BCL2L14: variants seen among roughly 807,000 people sequenced by gnomAD.
The protein encoded by BCL2L14 is BCL2 like 14, also known as apoptosis facilitator Bcl-2-like protein 14.
Under a neutral mutation model 35.3 loss-of-function variants are expected in BCL2L14, and 27 were observed. That is an observed-to-expected ratio of 0.76 (90% CI 0.56 to 1.05). BCL2L14 has a LOEUF of 1.05. Ranked by LOEUF, BCL2L14 falls within the 50% of genes least tolerant of loss-of-function variation. The pLI is 0.00. For missense variants in BCL2L14, 377 were observed against 382.6 expected (o/e 0.99, Z 0.12); for synonymous variants, 139 against 145.9 (o/e 0.95, Z 0.34).
At chr12:12,076,545 T>C (rs1948784910) in intron 1 of BCL2L14, among the ~76,000 whole-genome samples, 1 of 151,816 alleles carries the variant, frequency 6.6e-6, no homozygotes, top group South Asian at 2.1e-4. Flanking sequence ...AGTTGTATAA[T>C]TGTATCTGTG....
At chr12:12,058,434 GAGACGGGGTTTC>G (rs1948466449) in intron 2 of BCL2L14, among the ~76,000 whole-genome samples, 1 of 151,310 alleles carries the variant, frequency 6.6e-6, no homozygotes, top group African/African-American at 2.4e-5. Context: ...ATATTTAGTA[GAGACGGGGTTTC>G]AGACGGGGTT....
intron 2 of BCL2L14, among the ~76,000 whole-genome samples, chr12:12,086,226 G>A (rs897768046): frequency 2.6e-5 from 4 of 152,192 alleles, no homozygotes; most frequent in Admixed American, 2.6e-4. Context: ...GCTGAGGTGG[G>A]ACAATCGCTT....
At chr12:12,095,305 C>T in intron 5 of BCL2L14, 1 of 985,382 alleles carries the variant, frequency 1.0e-6, no homozygotes, top group Non-Finnish European at 1.2e-6. Context: ...GTTCCTCACA[C>T]TTGCAGATAC....
chr12:12,059,712 G>A (rs1321306094), intron 2 of BCL2L14, among the ~76,000 whole-genome samples: 2 of 151,754 alleles, frequency 1.3e-5, no homozygotes, highest in Non-Finnish European at 2.9e-5. Flanking sequence ...TCCTTAGCCT[G>A]TGTTCTTAAG....
chr12:12,062,161 C>T (rs1470529684), intron 2 of BCL2L14, among the ~76,000 whole-genome samples: 2 of 151,768 alleles, frequency 1.3e-5, no homozygotes, highest in African/African-American at 2.4e-5. Flanking sequence ...ATACTTTCTG[C>T]TCCCCGGCTC....
chr12:12,069,944 A>G (rs972630799), upstream of BCL2L14, among the ~76,000 whole-genome samples: 8 of 152,158 alleles, frequency 5.3e-5, no homozygotes, highest in Admixed American at 6.5e-5. Flanking sequence ...CGAAAATAGC[A>G]TTAATTCCCC....
chr12:12,088,253 A>G (rs1591831572), intron 3 of BCL2L14, among the ~76,000 whole-genome samples: 1 of 152,162 alleles, frequency 6.6e-6, no homozygotes, highest in East Asian at 1.9e-4. Flanking sequence ...GACAGAGTGC[A>G]CCGGATTTTA....
chr12:12,068,200 C>T (rs192360681), upstream of BCL2L14: 312 of 398,624 alleles, frequency 7.8e-4, 1 homozygote, highest in Non-Finnish European at 1.2e-3. Context: ...CTGCCTCAGC[C>T]TCCCAAAGCG....
intron 1 of BCL2L14, among the ~76,000 whole-genome samples, chr12:12,076,340 AGTGAAATGCAT>A (rs1368856897): frequency 1.8e-5 from 2 of 111,202 alleles, no homozygotes; most frequent in Non-Finnish European, 4.6e-5. Context: ...TTTGCATGTA[AGTGAAATGCAT>A]GTAAGTGAAT....
chr12:12,062,406 A>G (rs1684608572), intron 2 of BCL2L14, among the ~76,000 whole-genome samples: 4 of 149,020 alleles, frequency 2.7e-5, no homozygotes, highest in South Asian at 2.1e-4. Flanking sequence ...ACACACCAGC[A>G]AAGGCAGGCT....
chr12:12,089,499 C>T (rs1406337461), intron 3 of BCL2L14, among the ~76,000 whole-genome samples: 1 of 152,162 alleles, frequency 6.6e-6, no homozygotes, highest in Non-Finnish European at 1.5e-5. Context: ...AGTTCAAGAC[C>T]AGCCTGGCCA....
intron 5 of BCL2L14, 52 bp from the exon 6 acceptor site, chr12:12,098,898 C>A: frequency 7.6e-7 from 1 of 1,313,816 alleles, no homozygotes; most frequent in African/African-American, 1.4e-5. Flanking sequence ...TATGTTTTCA[C>A]TTCAACAGTA....
chr12:12,076,147 CGG>C (rs1364651658), intron 1 of BCL2L14, among the ~76,000 whole-genome samples: 1 of 71,516 alleles, frequency 1.4e-5, no homozygotes, highest in Non-Finnish European at 2.5e-5. Flanking sequence ...GTGGGATGCC[CGG>C]AAAATGCATG....
chr12:12,096,798 A>T (rs938352537), intron 5 of BCL2L14, among the ~76,000 whole-genome samples: 1 of 152,240 alleles, frequency 6.6e-6, no homozygotes. Flanking sequence ...AAAATGGTGC[A>T]GTCCCTTTGG....
intron 2 of BCL2L14, among the ~76,000 whole-genome samples, chr12:12,054,230 C>A (rs1276301397): frequency 6.6e-6 from 1 of 152,152 alleles, no homozygotes; most frequent in Non-Finnish European, 1.5e-5. Flanking sequence ...GGGCTGGGCG[C>A]AGTAGCTCAT....
chr12:12,083,814 G>A (rs1948980556), intron 2 of BCL2L14, among the ~76,000 whole-genome samples: 1 of 152,150 alleles, frequency 6.6e-6, no homozygotes, highest in Admixed American at 6.5e-5. Flanking sequence ...CAGGCGCCAT[G>A]GTGCGCGCCT....
rs1166942092 is a variant in BCL2L14, at chr12:12,091,642, CTT to C, written c.678+795_678+796del. ...GAAGACAAACAGCTCCTGTCTATAG[CTT>C]TGTCAAAAGTGTGCCCAGAGGCTGG... On this transcript the variant is annotated intron_variant, in intron 4 of 5. Coordinates refer to ENST00000308721, the MANE Select transcript of BCL2L14 (RefSeq NM_138723.2). Among the ~76,000 whole-genome samples, 9 of 152,172 alleles carry C rather than the reference CTT, an allele frequency of 5.9e-5. No individual in the cohort carries two copies. The East Asian group carries it at 1.7e-3, about 29-fold the overall frequency.
chr12:12,050,802 A>AG (rs1948343739), intron 1 of BCL2L14, among the ~76,000 whole-genome samples: 1 of 138,612 alleles, frequency 7.2e-6, no homozygotes, highest in Admixed American at 7.1e-5. Flanking sequence ...CTAAAAAAAA[A>AG]AAAAAAAAAA....
chr12:12,079,945 C>T (rs992720955), intron 2 of BCL2L14, among the ~76,000 whole-genome samples: 5 of 152,234 alleles, frequency 3.3e-5, no homozygotes, highest in Non-Finnish European at 1.5e-5. Context: ...TGGCTCACGC[C>T]TGTAATCCCA....
Sources: allele counts gnomAD v4.1 joint callset (sites outside exome capture counted in the v4.1 genomes callset), GRCh38; gene constraint gnomAD v4.1.1; transcripts MANE v1.5; gene names NCBI Gene and HGNC (gene_info 2026-07-23, HGNC 2026-07-21).